The following SPECC1L variants were observed in gnomAD, a reference collection of about 807,000 sequenced individuals.
SPECC1L encodes sperm antigen with calponin homology and coiled-coil domains 1 like, also known as cytospin-A.
A neutral mutation model predicts 116.8 loss-of-function variants in SPECC1L; 40 were observed. The observed-to-expected ratio is 0.34, with a 90% CI of 0.27 to 0.45. The LOEUF (loss-of-function observed/expected upper bound fraction) is 0.45, where lower values mean the gene tolerates loss of function less well. SPECC1L is among the 20% of genes least tolerant of loss of function. The probability of loss-of-function intolerance (pLI) is 1.00; values close to 1 mark genes in which losing one functional copy is unlikely to be tolerated. For synonymous variants in SPECC1L, 504 were observed against 500.6 expected (o/e 1.01, Z -0.09); for missense variants, 1,110 against 1,373.6 (o/e 0.81, Z 3.03).
In SPECC1L at chr22:24,414,942, A is replaced by G; in HGVS notation, c.*319A>G. 1 of 377,710 alleles carries G rather than the reference A, an allele frequency of 2.6e-6. No homozygotes were observed. The highest frequency in any genetic ancestry group is 5.1e-6 in the Non-Finnish European group (1 of 197,152). The allele number at this position is 377,710 out of a possible 1,614,324, so 23.4% of individuals were successfully genotyped here. A position where few individuals can be genotyped will look rare whatever the true frequency, so the allele number is the denominator to read the frequency against. ...TAGTGCTCCAGGGCACCAAACAAAA[A>G]GGGCTCATGCACAGCTGAATTTGGG... On this transcript the variant is annotated 3_prime_UTR_variant, in exon 17 of 17. Coordinates refer to ENST00000314328, the MANE Select transcript of SPECC1L (RefSeq NM_015330.6).
chr22:24,287,597 G>C (rs1374634992), intron 2 of SPECC1L, among the ~76,000 whole-genome samples: 2 of 152,156 alleles, frequency 1.3e-5, no homozygotes, highest in Admixed American at 6.5e-5. Context: ...GCCCCCTATA[G>C]TCCCAGGGTA....
chr22:24,345,666 C>T (rs2041277135), intron 10 of SPECC1L, among the ~76,000 whole-genome samples: 1 of 152,122 alleles, frequency 6.6e-6, no homozygotes, highest in East Asian at 1.9e-4. Flanking sequence ...AGATGATCAA[C>T]ATCATTAGTC....
intron 11 of SPECC1L, among the ~76,000 whole-genome samples, chr22:24,359,700 A>G (rs1049780159): frequency 6.6e-6 from 1 of 151,840 alleles, no homozygotes; most frequent in Non-Finnish European, 1.5e-5. Context: ...TTCCCCTCCC[A>G]CTGAACATCA....
intron 4 of SPECC1L, 138 bp downstream of exon 4, chr22:24,313,604 T>C: frequency 1.0e-6 from 1 of 967,298 alleles, no homozygotes; most frequent in Non-Finnish European, 1.6e-6. Context: ...TTCAGCCCAA[T>C]ACGCTCATCA....
At chr22:24,310,544 C>T (rs1248738300) in intron 3 of SPECC1L, among the ~76,000 whole-genome samples, 1 of 152,144 alleles carries the variant, frequency 6.6e-6, no homozygotes, top group Non-Finnish European at 1.5e-5. Context: ...TGTTAAGTGA[C>T]AAGTGCTGCT....
At chr22:24,296,947 CT>C (rs4049936) in intron 2 of SPECC1L, among the ~76,000 whole-genome samples, 174 of 123,130 alleles carry the variant, frequency 1.4e-3, no homozygotes, top group Middle Eastern at 7.8e-3. Context: ...TTTAGAATAT[CT>C]TTTTTTTTTT....
In SPECC1L at chr22:24,297,475, C is replaced by A. The variant is rs62233083; in HGVS notation, c.-37-4720C>A. 7.5e-3 allele frequency among the ~76,000 whole-genome samples: 1,136 copies of A among 152,094 alleles called. 6 individuals are homozygous for A. The highest frequency in any genetic ancestry group is 0.012 in the South Asian group (60 of 4,814). The stretch of plus-strand genomic sequence containing the variant: ...CAGAACCGATAGCATATATATATAT[C>A]TCTCCAGTAGGACAGAGAGCGAGAT... On this transcript the variant is annotated intron_variant, in intron 2 of 16. Coordinates refer to ENST00000314328, the MANE Select transcript of SPECC1L (RefSeq NM_015330.6).
intron 14 of SPECC1L, among the ~76,000 whole-genome samples, chr22:24,384,938 C>A (rs1275464806): frequency 6.6e-6 from 1 of 151,766 alleles, no homozygotes; most frequent in Non-Finnish European, 1.5e-5. Flanking sequence ...TAGGTGGGCA[C>A]CTGTAGTCCC....
intron 11 of SPECC1L, among the ~76,000 whole-genome samples, chr22:24,351,395 G>C (rs974376745): frequency 6.6e-6 from 1 of 152,174 alleles, no homozygotes; most frequent in Non-Finnish European, 1.5e-5. Flanking sequence ...TGTAGGCCAA[G>C]GTTATTGAAA....
chr22:24,378,248 C>G (rs1246188456), intron 14 of SPECC1L, among the ~76,000 whole-genome samples: 1 of 152,234 alleles, frequency 6.6e-6, no homozygotes, highest in African/African-American at 2.4e-5. Context: ...TCAAACTTTT[C>G]TTCTGCAGCT....
chr22:24,311,328 ATTTTAC>A (rs769770504), intron 3 of SPECC1L, among the ~76,000 whole-genome samples: 4 of 152,194 alleles, frequency 2.6e-5, no homozygotes, highest in Non-Finnish European at 4.4e-5. Flanking sequence ...TTCAAAGATA[ATTTTAC>A]TTTTATTAGC....
In SPECC1L at chr22:24,321,600, G is replaced by A. The variant is rs2040724537; in HGVS notation, c.620G>A (p.Arg207Gln). 4 of 1,614,176 alleles carry A rather than the reference G, an allele frequency of 2.5e-6. No individual in the cohort carries two copies. The highest frequency in any genetic ancestry group is 1.1e-5 in the South Asian group (1 of 91,082). Residue 207 changes from arginine to glutamine, a missense_variant, in exon 5 of 17, where the codon CGA (arginine) becomes CAA (glutamine). Around this residue, in one of 4 missense-constraint regions of SPECC1L, gnomAD observed 437 missense variants for 482.6 expected, o/e 0.91. Transcript: ENST00000314328. Reference protein sequence around the residue: ...VEILHLRNELRDMRAQLGINE... With the variant: ...VEILHLRNELQDMRAQLGINE... ...ATTTTACATTTGAGAAATGAACTGCGAGACATGCGTGCCCAGCTGGGCATT... is the reference window on the plus strand; with the variant it reads ...ATTTTACATTTGAGAAATGAACTGCAAGACATGCGTGCCCAGCTGGGCATT...
At chr22:24,372,084 G>A (rs2041882365) in intron 14 of SPECC1L, among the ~76,000 whole-genome samples, 1 of 152,100 alleles carries the variant, frequency 6.6e-6, no homozygotes, top group Non-Finnish European at 1.5e-5. Context: ...AGTAATCTAA[G>A]TTTCTTCCTT....
At chr22:24,384,526 A>C (rs1469828438) in intron 14 of SPECC1L, among the ~76,000 whole-genome samples, 2 of 152,198 alleles carry the variant, frequency 1.3e-5, no homozygotes, top group Non-Finnish European at 2.9e-5. Flanking sequence ...AAATGGTTTA[A>C]AAGTTAGGAG....
chr22:24,293,031 G>A (rs2146372330), intron 2 of SPECC1L, among the ~76,000 whole-genome samples: 1 of 152,328 alleles, frequency 6.6e-6, no homozygotes, highest in Admixed American at 6.5e-5. Context: ...AACTTGGGAG[G>A]CTGAGGCGGA....
At chr22:24,289,043 A>G (rs1473641973) in intron 2 of SPECC1L, among the ~76,000 whole-genome samples, 2 of 152,202 alleles carry the variant, frequency 1.3e-5, no homozygotes, top group African/African-American at 4.8e-5. Context: ...GTACAAATAG[A>G]TTGATGTTTT....
At chr22:24,384,679 G>A (rs1409715242) in intron 14 of SPECC1L, among the ~76,000 whole-genome samples, 2 of 152,188 alleles carry the variant, frequency 1.3e-5, no homozygotes, top group Admixed American at 1.3e-4. Flanking sequence ...GTTGACGTTG[G>A]CTGCATGGAG....
At chr22:24,282,583 C>A (rs1311656919) in intron 2 of SPECC1L, among the ~76,000 whole-genome samples, 2 of 152,104 alleles carry the variant, frequency 1.3e-5, no homozygotes, top group Admixed American at 6.6e-5. Context: ...TTACGTCATT[C>A]AGTATGATAT....
chr22:24,313,745 T>TTTA (rs933285962), intron 4 of SPECC1L, among the ~76,000 whole-genome samples: 4 of 149,744 alleles, frequency 2.7e-5, no homozygotes, highest in African/African-American at 9.8e-5. Flanking sequence ...AAGGATTCTT[T>TTTA]TTTTTTTTTT....
Sources: allele counts gnomAD v4.1 joint callset (sites outside exome capture counted in the v4.1 genomes callset), GRCh38; gene constraint gnomAD v4.1.1; regional missense constraint gnomAD v4.1.1; transcripts MANE v1.5; gene names NCBI Gene and HGNC (gene_info 2026-07-23, HGNC 2026-07-21).